PKIG: variants seen among roughly 807,000 people sequenced by gnomAD.
PKIG encodes the protein protein kinase (cAMP-dependent, catalytic) inhibitor gamma.
In PKIG, 1 loss-of-function variant was observed where a neutral mutation model predicts 6.8. The ratio of observed to expected loss-of-function variants is 0.15; its 90% CI spans 0.05 to 0.69. The LOEUF (loss-of-function observed/expected upper bound fraction) is 0.69, where lower values mean the gene tolerates loss of function less well. Ranked by LOEUF, PKIG falls within the 30% of genes least tolerant of loss-of-function variation. The pLI, the probability that PKIG is intolerant of heterozygous loss-of-function variation, is 0.82. For missense variants in PKIG, 77 were observed against 104.0 expected, an observed-to-expected ratio of 0.74 and a Z score of 1.13; for synonymous variants, 39 against 43.0, an observed-to-expected ratio of 0.91 and a Z score of 0.36.
chr20:44,599,167 G>C (rs144988049), intron 2 of PKIG, among the ~76,000 whole-genome samples: 1 of 152,146 alleles, frequency 6.6e-6, no homozygotes, highest in Non-Finnish European at 1.5e-5. Flanking sequence ...TTATTATGAA[G>C]CTGGGGGCAG....
chr20:44,541,097 C>T (rs569187062), intron 1 of PKIG, among the ~76,000 whole-genome samples: 1 of 152,286 alleles, frequency 6.6e-6, no homozygotes, highest in South Asian at 2.1e-4. Flanking sequence ...GCCAGACCTC[C>T]TATGCATATG....
At chr20:44,591,611 G>A in intron 2 of PKIG, among the ~76,000 whole-genome samples, 1 of 144,988 alleles carries the variant, frequency 6.9e-6, no homozygotes, top group Admixed American at 6.8e-5. Flanking sequence ...AAGTGGTGCT[G>A]GGTGGGTGGG....
At chr20:44,589,354 T>G (rs1250333007) in intron 1 of PKIG, among the ~76,000 whole-genome samples, 1 of 152,072 alleles carries the variant, frequency 6.6e-6, no homozygotes, top group Non-Finnish European at 1.5e-5. Flanking sequence ...AAAAAGAAAA[T>G]GTAAAGTTCT....
At chr20:44,557,567 TCCCAA>T (rs2064724800) in intron 1 of PKIG, among the ~76,000 whole-genome samples, 1 of 137,024 alleles carries the variant, frequency 7.3e-6, no homozygotes. Flanking sequence ...ACGCCTGTAA[TCCCAA>T]CACTTTGGGA....
intron 1 of PKIG, among the ~76,000 whole-genome samples, chr20:44,543,801 A>G (rs1021787409): frequency 2.0e-5 from 3 of 152,078 alleles, no homozygotes; most frequent in Admixed American, 2.0e-4. Flanking sequence ...CCCGTAAAAT[A>G]CCTGTAATCC....
chr20:44,586,923 A>C (rs1206332814), intron 1 of PKIG, among the ~76,000 whole-genome samples: 1 of 152,236 alleles, frequency 6.6e-6, no homozygotes, highest in African/African-American at 2.4e-5. Flanking sequence ...AAGTCTCTTT[A>C]ATGTTTCAAG....
chr20:44,595,728 G>C (rs1237211264), intron 2 of PKIG, among the ~76,000 whole-genome samples: 1 of 152,048 alleles, frequency 6.6e-6, no homozygotes, highest in Non-Finnish European at 1.5e-5. Context: ...TGGTAAAGCT[G>C]GTCTCGAACT....
At chr20:44,560,878 AGC>A (rs2064761006) in intron 1 of PKIG, among the ~76,000 whole-genome samples, 1 of 152,238 alleles carries the variant, frequency 6.6e-6, no homozygotes, top group Non-Finnish European at 1.5e-5. Context: ...TGTAATCACT[AGC>A]ACATGGGATT....
chr20:44,612,249 C>T (rs982908116), intron 2 of PKIG, among the ~76,000 whole-genome samples: 6 of 152,122 alleles, frequency 3.9e-5, no homozygotes, highest in African/African-American at 1.2e-4. Flanking sequence ...TCATAATTCA[C>T]GCGATGCCTA....
At chr20:44,560,814 C>G (rs1194188180) in intron 1 of PKIG, among the ~76,000 whole-genome samples, 1 of 152,098 alleles carries the variant, frequency 6.6e-6, no homozygotes, top group East Asian at 1.9e-4. Context: ...AATTTTCTCT[C>G]GAGGAAGATG....
chr20:44,544,711 G>A (rs2064594930), intron 1 of PKIG, among the ~76,000 whole-genome samples: 1 of 152,170 alleles, frequency 6.6e-6, no homozygotes, highest in South Asian at 2.1e-4. Context: ...GGTAAATGCA[G>A]TTTCTTAGCT....
At chr20:44,576,587 T>C (rs1211806108) in intron 1 of PKIG, among the ~76,000 whole-genome samples, 1 of 152,116 alleles carries the variant, frequency 6.6e-6, no homozygotes, top group East Asian at 1.9e-4. Flanking sequence ...CCTCAAACCT[T>C]CTCCTGTTGG....
chr20:44,583,970 GAA>G (rs1222463060), intron 1 of PKIG, among the ~76,000 whole-genome samples: 1 of 152,098 alleles, frequency 6.6e-6, no homozygotes, highest in Non-Finnish European at 1.5e-5. Flanking sequence ...GAAAGAGAAA[GAA>G]AAAGTCTCAG....
At chr20:44,596,976 C>CT (rs373179483) in intron 2 of PKIG, among the ~76,000 whole-genome samples, 1 of 152,190 alleles carries the variant, frequency 6.6e-6, no homozygotes, top group South Asian at 2.1e-4. Flanking sequence ...CCCATGGCCT[C>CT]TTATTAGTCT....
chr20:44,573,934 A>T (rs2064874500), intron 1 of PKIG, among the ~76,000 whole-genome samples: 1 of 152,226 alleles, frequency 6.6e-6, no homozygotes, highest in Non-Finnish European at 1.5e-5. Flanking sequence ...AACTGATAAT[A>T]ATAGCTAACT....
At chr20:44,612,508 T>C (rs1441205815) in intron 2 of PKIG, among the ~76,000 whole-genome samples, 1 of 152,186 alleles carries the variant, frequency 6.6e-6, no homozygotes, top group Non-Finnish European at 1.5e-5. Context: ...ATGACTGCTA[T>C]CTAATTGCCT....
At chr20:44,548,423 A>G (rs1414819316) in intron 1 of PKIG, among the ~76,000 whole-genome samples, 1 of 152,220 alleles carries the variant, frequency 6.6e-6, no homozygotes, top group Non-Finnish European at 1.5e-5. Flanking sequence ...AATAAACATT[A>G]CAGGACAATA....
At chr20:44,532,281 A>G (rs980139138) in intron 1 of PKIG, among the ~76,000 whole-genome samples, 1 of 152,152 alleles carries the variant, frequency 6.6e-6, no homozygotes, top group African/African-American at 2.4e-5. Context: ...AACTGTGCAG[A>G]AAATTTATTT....
intron 1 of PKIG, among the ~76,000 whole-genome samples, chr20:44,532,216 G>A (rs967687739): frequency 1.5e-4 from 23 of 152,150 alleles, no homozygotes; most frequent in Admixed American, 1.4e-3. Context: ...GACCTCATTC[G>A]AAAGTTTCTT....
Sources: allele counts gnomAD v4.1 joint callset (sites outside exome capture counted in the v4.1 genomes callset), GRCh38; gene constraint gnomAD v4.1.1; transcripts MANE v1.5; gene names NCBI Gene and HGNC (gene_info 2026-07-23, HGNC 2026-07-21).